Variants in NUP214 observed in about 807,000 individuals in gnomAD.
NUP214 encodes the protein nuclear pore complex protein Nup214.
A neutral mutation model predicts 196.2 loss-of-function variants in NUP214; 79 were observed. The ratio of observed to expected loss-of-function variants is 0.40; its 90% CI spans 0.34 to 0.49. The LOEUF (loss-of-function observed/expected upper bound fraction) is 0.49, where lower values mean the gene tolerates loss of function less well. NUP214 is among the 20% of genes least tolerant of loss of function. NUP214 has a pLI of 0.58. For synonymous variants in NUP214, 1,020 were observed against 990.5 expected, an observed-to-expected ratio of 1.03 and a Z score of -0.56; for missense variants, 2,468 against 2,539.0, an observed-to-expected ratio of 0.97 and a Z score of 0.60.
chr9:131,139,153 TA>T, intron 9 of NUP214, 127 bp from the exon 10 acceptor site: 1 of 1,127,792 alleles, frequency 8.9e-7, no homozygotes, highest in Non-Finnish European at 1.2e-6. Context: ...CACCTGAGTC[TA>T]AACCAAGTGA....
At chr9:131,150,478 C>G (rs1445074634) in intron 15 of NUP214, 68 bp downstream of exon 15, 2 of 1,578,364 alleles carry the variant, frequency 1.3e-6, no homozygotes, top group African/African-American at 2.7e-5. Context: ...AGAGTGCCAA[C>G]CCCTGTATGA....
chr9:131,150,014 T>C, intron 14 of NUP214: 1 of 200,016 alleles, frequency 5.0e-6, no homozygotes, highest in South Asian at 1.0e-4. Context: ...GTGCCCTTTT[T>C]TATTCTCTTT....
At position 131,232,317 on chromosome 9, in the gene NUP214, C is replaced by T. The variant is rs1189921351; in HGVS notation, c.6239+9C>T. On this transcript the variant is annotated intron_variant, in intron 35 of 35. Coordinates refer to ENST00000359428, the MANE Select transcript of NUP214 (RefSeq NM_005085.4). The surrounding 1 kb of genome is among the most constrained non-coding windows in gnomAD (Gnocchi z 5.1). ...TTTGGGTCAAATAACTCGTAAGTAT[C>T]CCCCTTTTTGAGTCTCACCTTAATT... 3 of 1,613,410 alleles carry T rather than the reference C, an allele frequency of 1.9e-6. No individual in the cohort carries two copies. The East Asian group carries it at 6.7e-5, about 36-fold the overall frequency.
intron 32 of NUP214, among the ~76,000 whole-genome samples, chr9:131,226,188 ACTG>A (rs546935703): frequency 5.0e-4 from 76 of 152,278 alleles, no homozygotes; most frequent in African/African-American, 1.8e-3. Flanking sequence ...ATTTAAGAAA[ACTG>A]CTGTGAAGCA....
chr9:131,154,276 A>G (rs1282882550), intron 17 of NUP214, among the ~76,000 whole-genome samples: 2 of 152,142 alleles, frequency 1.3e-5, no homozygotes. Context: ...GTTTGGTTAC[A>G]TGGTTAAGTT....
Position 131,230,653 on chromosome 9 carries a change from C to T in NUP214, c.6098C>T (p.Thr2033Ile), listed in dbSNP as rs557735961. The change falls in exon 34 of 36, where the codon ACA (threonine) becomes ATA (isoleucine). Residue 2033 changes from threonine to isoleucine, a missense_variant. Around this residue, in one of 5 missense-constraint regions of NUP214, gnomAD observed 262 missense variants for 296.5 expected, o/e 0.88. Coordinates refer to ENST00000359428, the MANE Select transcript of NUP214 (RefSeq NM_005085.4). ...GFGFGSSSNTTSFGTLASQNA... is the reference protein window; with the variant it reads ...GFGFGSSSNTISFGTLASQNA... Reference sequence around the variant, plus strand: ...AGGTTTGGGAGCAGCAGCAACACCACATCCTTCGGCACGCTCGCGAGTCAG... The same window carrying T: ...AGGTTTGGGAGCAGCAGCAACACCATATCCTTCGGCACGCTCGCGAGTCAG... 6.2e-7 allele frequency: 1 copy of T among 1,614,142 alleles called. No homozygotes were observed. The highest frequency in any genetic ancestry group is 1.3e-5 in the African/African-American group (1 of 75,034).
chr9:131,195,107 C>G, intron 27 of NUP214, 126 bp from the exon 28 acceptor site: 1 of 672,508 alleles, frequency 1.5e-6, no homozygotes, highest in South Asian at 1.9e-5. Context: ...ACTCTGTTGT[C>G]ATTTATCTTC....
chr9:131,204,580 G>T (rs1163331890), intron 30 of NUP214, among the ~76,000 whole-genome samples: 2 of 152,180 alleles, frequency 1.3e-5, no homozygotes. Context: ...GCTGGATTTG[G>T]CCCCTGCGCT....
intron 31 of NUP214, among the ~76,000 whole-genome samples, chr9:131,216,223 TTTTTTTC>T (rs1344989184): frequency 7.3e-5 from 11 of 150,152 alleles, no homozygotes; most frequent in African/African-American, 1.7e-4. Context: ...CTTTTTTTTT[TTTTTTTC>T]TTTTTTCTTT....
chr9:131,232,015 G>A lies in NUP214; in HGVS notation c.6215-269G>A, dbSNP rs140437455. On this transcript the variant is annotated intron_variant, in intron 34 of 35. Transcript: ENST00000359428. This position sits in a 1 kb window ranked among gnomAD's most constrained non-coding sequence, Gnocchi z 5.1. ...AGACCCTCTGCCTACAGCTGGGGCC[G>A]AGGAGGGAGGAAGAACCCTAAAATA... Among the ~76,000 whole-genome samples the A allele has an allele frequency of 1.4e-3, 205 of 151,812 alleles. 1 individual carries two copies. Among genetic ancestry groups the A allele is most frequent in the Middle Eastern group, 6.9e-3 (2 of 288 alleles).
At chr9:131,175,376 C>T (rs111835008) in intron 22 of NUP214, 84 bp from the exon 23 acceptor site, 43,737 of 1,479,510 alleles carry the variant, frequency 0.03, 808 homozygotes, top group African/African-American at 0.079. Flanking sequence ...TCCCTGCAGT[C>T]GAACATAAAG....
At chr9:131,149,839 C>A in intron 14 of NUP214, 1 of 154,836 alleles carries the variant, frequency 6.5e-6, no homozygotes, top group Non-Finnish European at 1.4e-5. Context: ...CCCACATTTA[C>A]TTTTTTTCTT....
At chr9:131,212,412 A>C (rs1266483220) in intron 30 of NUP214, among the ~76,000 whole-genome samples, 4 of 152,148 alleles carry the variant, frequency 2.6e-5, no homozygotes, top group Admixed American at 1.3e-4. Context: ...CCCTTTTGAA[A>C]TCCATAATAA....
intron 29 of NUP214, among the ~76,000 whole-genome samples, 200 bp downstream of exon 29, chr9:131,199,215 G>GC (rs1208873054): frequency 1.3e-5 from 2 of 152,186 alleles, no homozygotes; most frequent in South Asian, 2.1e-4. Context: ...GCTTAATGCA[G>GC]CTCCAGTTTT....
rs1317187847 is a variant in NUP214 at position 131,132,664 on chromosome 9, C to T, written c.727+5C>T. ...AGTCAGATCATCCTGTCAGAGGTAA[C>T]AACTGCTTTTCTTATTGGGCTGACC... On this transcript the variant is annotated splice_donor_5th_base_variant and intron_variant, in intron 6 of 35. Transcript: ENST00000359428. 6.2e-7 allele frequency: 1 copy of T among 1,612,822 alleles called. No individual in the cohort carries two copies. Among genetic ancestry groups the T allele is most frequent in the Non-Finnish European group, 8.5e-7 (1 of 1,178,846 alleles).
At chr9:131,133,373 C>T (rs1398529462) in intron 7 of NUP214, among the ~76,000 whole-genome samples, 164 bp downstream of exon 7, 11 of 144,580 alleles carry the variant, frequency 7.6e-5, no homozygotes, top group East Asian at 2.1e-4. Context: ...GATGCGATCT[C>T]ACCTCACTGA....
In NUP214 at chr9:131,199,369, TTA is replaced by T. The variant is rs148316688; in HGVS notation, c.5521+357_5521+358del. Among the ~76,000 whole-genome samples, 1,150 of 152,298 alleles carry T rather than the reference TTA, an allele frequency of 7.6e-3. 13 individuals carry two copies. The highest frequency in any genetic ancestry group is 0.026 in the African/African-American group (1,081 of 41,562). ...AATTTGGAAGGCACTGTAGAGATCA[TTA>T]TACCCAAAGCTGTCAAGCCTCAAGG... On this transcript the variant is annotated intron_variant, in intron 29 of 35. Transcript: ENST00000359428.
At chr9:131,201,260 A>G (rs1056633117) in intron 29 of NUP214, among the ~76,000 whole-genome samples, 4 of 151,726 alleles carry the variant, frequency 2.6e-5, no homozygotes, top group African/African-American at 9.7e-5. Flanking sequence ...TGAGGTCAAG[A>G]GATCAAGACC....
intron 9 of NUP214, 26 bp from the exon 10 acceptor site, chr9:131,139,255 C>CTTTTTTTTTTTTTTTTTT (rs200377608): frequency 1.9e-5 from 21 of 1,093,092 alleles, no homozygotes; most frequent in South Asian, 1.0e-4. Context: ...TCTTCTTCTT[C>CTTTTTTTTTTTTTTTTTT]TTTTTTTTTT....
Sources: allele counts gnomAD v4.1 joint callset (sites outside exome capture counted in the v4.1 genomes callset), GRCh38; gene constraint gnomAD v4.1.1; regional missense constraint gnomAD v4.1.1; non-coding constraint Gnocchi (gnomAD v3.1); transcripts MANE v1.5; gene names NCBI Gene and HGNC (gene_info 2026-07-23, HGNC 2026-07-21).